Variants in MAGI2 observed in about 807,000 individuals in gnomAD.
MAGI2 encodes membrane associated guanylate kinase, WW and PDZ domain containing 2, also known as membrane-associated guanylate kinase, WW and PDZ domain-containing protein 2.
In MAGI2, 35 loss-of-function variants were observed where a neutral mutation model predicts 133.3. The ratio of observed to expected loss-of-function variants is 0.26; its 90% CI spans 0.20 to 0.35. MAGI2 has a LOEUF of 0.35. Ranked by LOEUF, MAGI2 falls within the 10% of genes least tolerant of loss-of-function variation. The pLI, the probability that MAGI2 is intolerant of heterozygous loss-of-function variation, is 1.00. For missense variants in MAGI2, 1,636 were observed against 1,863.4 expected, an observed-to-expected ratio of 0.88 and a Z score of 2.25; for synonymous variants, 729 against 710.6, an observed-to-expected ratio of 1.03 and a Z score of -0.41.
chr7:78,428,748 T>C (rs941930186), intron 6 of MAGI2, among the ~76,000 whole-genome samples: 2 of 152,158 alleles, frequency 1.3e-5, no homozygotes, highest in African/African-American at 4.8e-5. Flanking sequence ...GCTTATTAGT[T>C]TCACACGTAT....
chr7:78,796,327 C>T (rs1787609087), intron 2 of MAGI2, among the ~76,000 whole-genome samples: 1 of 151,936 alleles, frequency 6.6e-6, no homozygotes, highest in Admixed American at 6.6e-5. Context: ...GATCAAAAGA[C>T]CTGAATAGAC....
chr7:78,469,904 A>G (rs1382459889), intron 6 of MAGI2, among the ~76,000 whole-genome samples: 3 of 152,134 alleles, frequency 2.0e-5, no homozygotes, highest in African/African-American at 7.2e-5. Context: ...TTTTTCTTCC[A>G]TGTCTACCCA....
rs1184941818 is a variant in MAGI2 at position 79,077,594 on chromosome 7, A to G, written c.302-70388T>C. On this transcript the variant is annotated intron_variant, in intron 1 of 21. Coordinates refer to ENST00000354212, the MANE Select transcript of MAGI2 (RefSeq NM_012301.4). The stretch of plus-strand genomic sequence containing the variant: ...CCTCTCAAAAAAAAAAAAAAAAAAA[A>G]ATAAATAAATAAATAAATTCCCTTT... Among the ~76,000 whole-genome samples the G allele has an allele frequency of 1.7e-4, 9 of 53,604 alleles. 1 individual carries two copies. Among genetic ancestry groups the G allele is most frequent in the African/African-American group, 4.9e-4 (9 of 18,346 alleles). The allele number at this position is 53,604 out of a possible 152,430, so 35.2% of individuals were successfully genotyped here.
At chr7:78,123,887 A>G (rs1433100960) in intron 20 of MAGI2, among the ~76,000 whole-genome samples, 1 of 152,070 alleles carries the variant, frequency 6.6e-6, no homozygotes, top group Non-Finnish European at 1.5e-5. Flanking sequence ...CATTTCTACC[A>G]AGTTTCCAGG....
chr7:78,470,449 G>A (rs1388938091), intron 6 of MAGI2, among the ~76,000 whole-genome samples: 1 of 152,042 alleles, frequency 6.6e-6, no homozygotes, highest in Non-Finnish European at 1.5e-5. Context: ...TTATTTAGTG[G>A]TGGGGATTAT....
chr7:78,841,704 C>G (rs560942929), intron 2 of MAGI2, among the ~76,000 whole-genome samples: 21 of 152,130 alleles, frequency 1.4e-4, no homozygotes, highest in African/African-American at 5.1e-4. Flanking sequence ...CTCATATTTT[C>G]TGCATATTCA....
chr7:79,240,393 G>A (rs575426487), intron 1 of MAGI2, among the ~76,000 whole-genome samples: 79 of 150,688 alleles, frequency 5.2e-4, no homozygotes, highest in Non-Finnish European at 1.0e-3. Flanking sequence ...ATGAATGAAT[G>A]AAAACAATGG....
intron 9 of MAGI2, among the ~76,000 whole-genome samples, chr7:78,265,571 AC>A (rs1411214251): frequency 1.3e-5 from 2 of 152,196 alleles, no homozygotes; most frequent in Non-Finnish European, 2.9e-5. Flanking sequence ...AAATCTTAAA[AC>A]CCTAAAAGTT....
chr7:78,605,045 T>C (rs1051678570), intron 3 of MAGI2, among the ~76,000 whole-genome samples: 3 of 152,198 alleles, frequency 2.0e-5, no homozygotes, highest in Admixed American at 2.0e-4. Context: ...TTTGTATGCA[T>C]GTGAGAGGAG....
At chr7:79,422,412 A>G (rs1847029130) in intron 1 of MAGI2, among the ~76,000 whole-genome samples, 1 of 152,000 alleles carries the variant, frequency 6.6e-6, no homozygotes, top group Non-Finnish European at 1.5e-5. Context: ...AGAATACTTT[A>G]TATTTTATTT....
intron 9 of MAGI2, among the ~76,000 whole-genome samples, chr7:78,319,074 C>T (rs1787721551): frequency 5.3e-5 from 8 of 152,130 alleles, no homozygotes; most frequent in Admixed American, 5.2e-4. Context: ...GGCAAAATAA[C>T]CAGCTAGCAT....
intron 1 of MAGI2, among the ~76,000 whole-genome samples, chr7:79,007,789 A>G (rs1432330784): frequency 1.3e-5 from 2 of 152,030 alleles, no homozygotes; most frequent in African/African-American, 4.8e-5. Flanking sequence ...ACCTACACAA[A>G]TATTAATGAT....
intron 9 of MAGI2, among the ~76,000 whole-genome samples, chr7:78,324,233 G>T (rs911682718): frequency 7.0e-6 from 1 of 143,206 alleles, no homozygotes; most frequent in Non-Finnish European, 1.6e-5. Context: ...CCTGACTGAG[G>T]GGGAAAAAAA....
chr7:79,076,154 G>A (rs1049131936), intron 1 of MAGI2, among the ~76,000 whole-genome samples: 1 of 152,116 alleles, frequency 6.6e-6, no homozygotes, highest in Non-Finnish European at 1.5e-5. Flanking sequence ...CAACTTTATG[G>A]TGCATCAAAC....
At chr7:79,268,313 T>C (rs1187763971) in intron 1 of MAGI2, among the ~76,000 whole-genome samples, 1 of 152,186 alleles carries the variant, frequency 6.6e-6, no homozygotes, top group Non-Finnish European at 1.5e-5. Flanking sequence ...TACTGACAAC[T>C]CAGATTTATA....
chr7:78,619,830 A>T (rs1164498657), intron 3 of MAGI2, among the ~76,000 whole-genome samples: 3 of 151,940 alleles, frequency 2.0e-5, no homozygotes, highest in Admixed American at 2.0e-4. Flanking sequence ...AAACTTCACT[A>T]TGTTTTCTTC....
At chr7:78,217,229 C>A (rs1022012645) in intron 10 of MAGI2, among the ~76,000 whole-genome samples, 1 of 152,138 alleles carries the variant, frequency 6.6e-6, no homozygotes, top group African/African-American at 2.4e-5. Context: ...CAACCCCTTA[C>A]ATTAACCTCC....
intron 2 of MAGI2, among the ~76,000 whole-genome samples, chr7:78,898,474 T>C (rs1047494555): frequency 1.1e-4 from 17 of 152,254 alleles, no homozygotes; most frequent in African/African-American, 4.1e-4. Context: ...TATGCAGCCA[T>C]AAAAAATGAT....
At chr7:78,036,116 TG>T (rs915368445) in intron 21 of MAGI2, among the ~76,000 whole-genome samples, 4 of 152,032 alleles carry the variant, frequency 2.6e-5, no homozygotes, top group Non-Finnish European at 5.9e-5. Context: ...CAACCTGAGG[TG>T]GATTACCTAT....
Sources: gnomAD v4.1 joint callset for allele counts (sites outside exome capture counted in the v4.1 genomes callset) on GRCh38, gnomAD v4.1.1 for gene constraint, MANE v1.5 for transcripts, NCBI Gene and HGNC (gene_info 2026-07-23, HGNC 2026-07-21) for gene names.